The following NDRG1 variants were observed in gnomAD, a reference collection of about 807,000 sequenced individuals.
NDRG1 encodes N-myc downstream regulated 1.
A neutral mutation model predicts 56.9 loss-of-function variants in NDRG1; 32 were observed. The ratio of observed to expected loss-of-function variants is 0.56; its 90% CI spans 0.42 to 0.76. The LOEUF is 0.76. Among genes scored for constraint, NDRG1 ranks in the 30% least tolerant of loss-of-function variants. The probability of loss-of-function intolerance (pLI) is 0.00; values close to 1 mark genes in which losing one functional copy is unlikely to be tolerated. For missense variants in NDRG1, 507 were observed against 545.7 expected, an observed-to-expected ratio of 0.93 and a Z score of 0.71; for synonymous variants, 211 against 204.1, an observed-to-expected ratio of 1.03 and a Z score of -0.29.
At chr8:133,295,946 C>A (rs967324850) in intron 1 of NDRG1, among the ~76,000 whole-genome samples, 2 of 152,218 alleles carry the variant, frequency 1.3e-5, no homozygotes, top group Non-Finnish European at 2.9e-5. Flanking sequence ...CACTGCCAGG[C>A]ATCTCCCACT....
intron 7 of NDRG1, among the ~76,000 whole-genome samples, chr8:133,257,493 G>A (rs902759894): frequency 6.6e-6 from 1 of 152,122 alleles, no homozygotes; most frequent in African/African-American, 2.4e-5. Flanking sequence ...TAGGTTTGCT[G>A]TACAAACCTG....
chr8:133,261,846 G>A (rs188621334), intron 5 of NDRG1, among the ~76,000 whole-genome samples: 3 of 152,308 alleles, frequency 2.0e-5, no homozygotes, highest in Admixed American at 1.3e-4. Flanking sequence ...TGTCCTTAAT[G>A]CCACTGAACT....
chr8:133,242,078 C>T lies in NDRG1; in HGVS notation c.892-4G>A, dbSNP rs751360652. The T allele has an allele frequency of 6.8e-6, 11 of 1,614,032 alleles. No homozygotes were observed. Among genetic ancestry groups the T allele is most frequent in the Admixed American group, 6.7e-5 (4 of 60,014 alleles). On this transcript the variant is annotated splice_region_variant and splice_polypyrimidine_tract_variant and intron_variant, in intron 14 of 15. Transcript: ENST00000323851. ...AGGCCTCAGCGAGCTTGGCCGGCTG[C>T]GAGAGACAAGGAGAGAAAATGCAGT...
At chr8:133,290,958 C>A (rs1858395842) in intron 1 of NDRG1, among the ~76,000 whole-genome samples, 1 of 152,128 alleles carries the variant, frequency 6.6e-6, no homozygotes, top group South Asian at 2.1e-4. Flanking sequence ...AACACAAAGG[C>A]CCACTTGACT....
chr8:133,275,432 A>G (rs1430981948), intron 3 of NDRG1, among the ~76,000 whole-genome samples: 1 of 152,224 alleles, frequency 6.6e-6, no homozygotes, highest in Non-Finnish European at 1.5e-5. Context: ...TGGAAATTTC[A>G]GAATTCAGAT....
intron 5 of NDRG1, among the ~76,000 whole-genome samples, chr8:133,260,069 C>A (rs1330424329): frequency 1.3e-5 from 2 of 152,194 alleles, no homozygotes; most frequent in Non-Finnish European, 2.9e-5. Flanking sequence ...AGACATGAAG[C>A]TCCTCTGAAA....
chr8:133,280,288 T>A lies in NDRG1; in HGVS notation c.64-21A>T, dbSNP rs200495194. 53 of 1,612,986 alleles carry A rather than the reference T, an allele frequency of 3.3e-5. No homozygotes were observed. In the East Asian group the frequency reaches 1.2e-3, roughly 35 times the overall value. On this transcript the variant is annotated intron_variant, in intron 2 of 15. Transcript: ENST00000323851. ...ATGGTCTGTGAAAAGACAAAAAAAATTGTCAATTTCATCTGTTTTCTCTGT... is the reference window on the plus strand; with the variant it reads ...ATGGTCTGTGAAAAGACAAAAAAAAATGTCAATTTCATCTGTTTTCTCTGT...
chr8:133,254,104 A>T (rs1856233596), intron 9 of NDRG1, among the ~76,000 whole-genome samples: 1 of 152,000 alleles, frequency 6.6e-6, no homozygotes, highest in African/African-American at 2.4e-5. Flanking sequence ...AGTACCTACT[A>T]TATAATGCCA....
At chr8:133,296,052 T>C (rs539487267) in intron 1 of NDRG1, among the ~76,000 whole-genome samples, 1 of 152,192 alleles carries the variant, frequency 6.6e-6, no homozygotes, top group Non-Finnish European at 1.5e-5. Context: ...ACCGACCCAC[T>C]AAATCCCAGC....
intron 7 of NDRG1, among the ~76,000 whole-genome samples, chr8:133,257,544 C>A (rs1335260544): frequency 6.6e-6 from 1 of 152,154 alleles, no homozygotes; most frequent in African/African-American, 2.4e-5. Flanking sequence ...GGAATTGCAA[C>A]ACAATGCTAA....
At chr8:133,252,161 T>C (rs1564285192) in intron 9 of NDRG1, among the ~76,000 whole-genome samples, 1 of 152,190 alleles carries the variant, frequency 6.6e-6, no homozygotes, top group Non-Finnish European at 1.5e-5. Context: ...CATGGCGCGA[T>C]CTCGGCTCAC....
intron 12 of NDRG1, 54 bp from the exon 13 acceptor site, chr8:133,246,717 C>T (rs1855702932): frequency 1.3e-6 from 2 of 1,523,766 alleles, no homozygotes; most frequent in Admixed American, 3.3e-5. Flanking sequence ...AAAGCCAAAA[C>T]ATCTCCCCCT....
chr8:133,250,423 G>T lies in NDRG1; in HGVS notation c.698+17C>A. The T allele has an allele frequency of 6.2e-7, 1 of 1,602,732 alleles. No homozygotes were observed. The highest frequency in any genetic ancestry group is 1.1e-5 in the South Asian group (1 of 90,864). On this transcript the variant is annotated intron_variant, in intron 10 of 15. Transcript: ENST00000323851. ...CCTCATAAATAGCAATGATGTGGCT[G>T]AACTACATCCCAATACCTGTTGTAG...
At chr8:133,289,123 C>T (rs1347431709) in intron 1 of NDRG1, among the ~76,000 whole-genome samples, 1 of 151,968 alleles carries the variant, frequency 6.6e-6, no homozygotes, top group Non-Finnish European at 1.5e-5. Flanking sequence ...GCTATGTTGC[C>T]CAGACTGGTC....
chr8:133,250,610 C>T (rs1045128162), intron 9 of NDRG1, 67 bp from the exon 10 acceptor site: 2 of 1,270,712 alleles, frequency 1.6e-6, no homozygotes, highest in South Asian at 1.2e-5. Flanking sequence ...ACTACTCTCT[C>T]CATTCTCCAG....
chr8:133,269,095 A>G (rs187867241), intron 3 of NDRG1, among the ~76,000 whole-genome samples: 1 of 152,294 alleles, frequency 6.6e-6, no homozygotes, highest in African/African-American at 2.4e-5. Flanking sequence ...CGTGTCTTCT[A>G]TGTTTTCCCA....
rs755495413 is a variant in NDRG1 at position 133,244,344 on chromosome 8, A to G, written c.891+11T>C. 37 of 1,614,082 alleles carry G rather than the reference A, an allele frequency of 2.3e-5. No individual in the cohort carries two copies. Among genetic ancestry groups the G allele is most frequent in the Non-Finnish European group, 3.1e-5 (36 of 1,180,040 alleles). ...ACAGCTGTATAATGCAAAAGCCAAC[A>G]TGGCACTCACCTGGGAGATCTGCGG... is the stretch of plus-strand genomic sequence containing the variant. On this transcript the variant is annotated intron_variant, in intron 14 of 15. Coordinates refer to ENST00000323851, the MANE Select transcript of NDRG1 (RefSeq NM_006096.4).
At chr8:133,260,486 A>G (rs1480128327) in intron 5 of NDRG1, among the ~76,000 whole-genome samples, 1 of 152,214 alleles carries the variant, frequency 6.6e-6, no homozygotes, top group Non-Finnish European at 1.5e-5. Context: ...TAATACCCAG[A>G]CCAACGGAAT....
chr8:133,285,639 A>G (rs1420451962), intron 1 of NDRG1, among the ~76,000 whole-genome samples: 1 of 152,194 alleles, frequency 6.6e-6, no homozygotes, highest in Non-Finnish European at 1.5e-5. Flanking sequence ...CCTTGTGCCA[A>G]CACATGGCAT....
Sources: gnomAD v4.1 joint callset for allele counts (sites outside exome capture counted in the v4.1 genomes callset) on GRCh38, gnomAD v4.1.1 for gene constraint, MANE v1.5 for transcripts, NCBI Gene and HGNC (gene_info 2026-07-23, HGNC 2026-07-21) for gene names.